The following EPB41 variants were observed in gnomAD, a reference collection of about 807,000 sequenced individuals.
The protein encoded by EPB41 is protein 4.1.
EPB41 carries 65 observed loss-of-function variants against 108.0 expected under a neutral mutation model. The observed-to-expected ratio is 0.60, with a 90% CI of 0.49 to 0.74. The LOEUF (loss-of-function observed/expected upper bound fraction) is 0.74. Ranked by LOEUF, EPB41 falls within the 30% of genes least tolerant of loss-of-function variation. EPB41 has a pLI of 0.00. For missense variants in EPB41, 875 were observed against 1,037.0 expected, an observed-to-expected ratio of 0.84 and a Z score of 2.15; for synonymous variants, 336 against 358.9, an observed-to-expected ratio of 0.94 and a Z score of 0.72.
At chr1:28,973,886 C>A (rs970648524) in intron 1 of EPB41, among the ~76,000 whole-genome samples, 3 of 152,176 alleles carry the variant, frequency 2.0e-5, no homozygotes, top group African/African-American at 7.2e-5. Context: ...TAATTATTAG[C>A]AATTTCTTCC....
chr1:29,030,559 A>G, intron 8 of EPB41, 72 bp downstream of exon 8: 1 of 1,115,908 alleles, frequency 9.0e-7, no homozygotes, highest in South Asian at 1.2e-5. Context: ...TTATGTATGT[A>G]TCACATCTGT....
intron 11 of EPB41, 108 bp from the exon 12 acceptor site, chr1:29,052,996 C>CT (rs1229193412): frequency 2.1e-5 from 25 of 1,211,918 alleles, no homozygotes; most frequent in Non-Finnish European, 2.4e-5. Context: ...ACTACACACT[C>CT]TAACATTCGT....
chr1:29,041,566 G>T (rs192157669), intron 11 of EPB41: 2 of 152,010 alleles, frequency 1.3e-5, no homozygotes, highest in African/African-American at 4.8e-5. Flanking sequence ...TGTTACCAGT[G>T]TACAAGCCTA....
At chr1:28,908,781 G>C (rs2092035201) in intron 1 of EPB41, among the ~76,000 whole-genome samples, 1 of 151,856 alleles carries the variant, frequency 6.6e-6, no homozygotes, top group African/African-American at 2.4e-5. Flanking sequence ...ATGTCCAATA[G>C]TAGGATTAAC....
intron 1 of EPB41, among the ~76,000 whole-genome samples, chr1:28,919,436 A>C (rs2092913732): frequency 1.3e-5 from 2 of 151,738 alleles, no homozygotes; most frequent in East Asian, 3.9e-4. Flanking sequence ...CTCTCCTTCC[A>C]GTCAAATTGC....
At chr1:28,966,449 A>G (rs899796815) in intron 1 of EPB41, among the ~76,000 whole-genome samples, 3 of 152,136 alleles carry the variant, frequency 2.0e-5, no homozygotes, top group Non-Finnish European at 2.9e-5. Context: ...TTTTGGTGCA[A>G]CATTCTGGGC....
At chr1:29,055,757 G>A (rs1368770285) in intron 12 of EPB41, among the ~76,000 whole-genome samples, 1 of 150,412 alleles carries the variant, frequency 6.6e-6, no homozygotes, top group South Asian at 2.1e-4. Flanking sequence ...GCAAAACCCC[G>A]TCTTTACTAA....
At chr1:28,996,512 T>G (rs779722125) in intron 3 of EPB41, among the ~76,000 whole-genome samples, 1 of 152,188 alleles carries the variant, frequency 6.6e-6, no homozygotes, top group African/African-American at 2.4e-5. Context: ...GACAGTTGAT[T>G]CAGTAATTTA....
intron 1 of EPB41, among the ~76,000 whole-genome samples, chr1:28,943,651 G>GAA (rs55671605): frequency 7.0e-6 from 1 of 143,866 alleles, no homozygotes; most frequent in Admixed American, 6.9e-5. Flanking sequence ...TCCGTTTCAG[G>GAA]AAAAAAAAAA....
At chr1:29,099,866 G>T (rs1004334068) in intron 17 of EPB41, among the ~76,000 whole-genome samples, 1 of 152,178 alleles carries the variant, frequency 6.6e-6, no homozygotes, top group African/African-American at 2.4e-5. Flanking sequence ...GGAGAAACAG[G>T]CAATAAAGCA....
chr1:28,915,950 C>T (rs1473986296), intron 1 of EPB41, among the ~76,000 whole-genome samples: 1 of 151,984 alleles, frequency 6.6e-6, no homozygotes, highest in Non-Finnish European at 1.5e-5. Context: ...GGTTTGATCC[C>T]TTTAATCAAA....
At chr1:29,084,123 G>T (rs1657841437) in intron 16 of EPB41, among the ~76,000 whole-genome samples, 1 of 152,208 alleles carries the variant, frequency 6.6e-6, no homozygotes, top group Admixed American at 6.5e-5. Flanking sequence ...CAAAGCAAGG[G>T]TAATGTGCTC....
intron 14 of EPB41, 39 bp from the exon 15 acceptor site, chr1:29,060,383 T>G (rs1399982326): frequency 6.3e-7 from 1 of 1,597,802 alleles, no homozygotes; most frequent in East Asian, 2.2e-5. Context: ...CATTTTAATT[T>G]TTTATGCTTT....
intron 11 of EPB41, among the ~76,000 whole-genome samples, chr1:29,043,177 G>C (rs945951944): frequency 6.6e-6 from 1 of 152,174 alleles, no homozygotes; most frequent in African/African-American, 2.4e-5. Context: ...AAATAAAACA[G>C]GATGAGGGAT....
intron 1 of EPB41, among the ~76,000 whole-genome samples, chr1:28,897,608 GGGAGGGGAGAGGAGGGGAGA>G (rs1266878550): frequency 4.4e-4 from 8 of 18,198 alleles, no homozygotes; most frequent in Non-Finnish European, 4.6e-4. Flanking sequence ...GGAAGGGGAG[GGGAGGGGAGAGGAGGGGAGA>G]GGAGGGGAGA....
In EPB41 at chr1:29,053,157, A is replaced by G; in HGVS notation, c.1690A>G (p.Ile564Val). Residue 564 changes from isoleucine to valine, a missense_variant, in exon 12 of 21, where the codon ATT becomes GTT. By Grantham distance (29) the Ile-to-Val change is conservative. Coordinates refer to ENST00000343067, the MANE Select transcript of EPB41 (RefSeq NM_001376013.1). ...RSPRPTSAPA[I>V]TQGQVAEGGV... is the part of the protein sequence containing the mutation. Reference sequence around the variant, plus strand: ...TCCTCGGCCCACTTCTGCACCTGCCATTACTCAGGGTCAGGTTGCAGAAGG... The same window carrying G: ...TCCTCGGCCCACTTCTGCACCTGCCGTTACTCAGGGTCAGGTTGCAGAAGG... 2 of 1,614,218 alleles carry G rather than the reference A, an allele frequency of 1.2e-6. No individual in the cohort carries two copies. Among genetic ancestry groups the G allele is most frequent in the Non-Finnish European group, 1.7e-6 (2 of 1,180,052 alleles).
chr1:29,017,850 G>T (rs915829516), intron 6 of EPB41, among the ~76,000 whole-genome samples: 3 of 152,106 alleles, frequency 2.0e-5, no homozygotes, highest in African/African-American at 7.2e-5. Context: ...GTGTGTGTGT[G>T]AAGATTAGGT....
At chr1:29,081,933 T>C (rs1245250693) in intron 16 of EPB41, among the ~76,000 whole-genome samples, 1 of 152,162 alleles carries the variant, frequency 6.6e-6, no homozygotes, top group Non-Finnish European at 1.5e-5. Flanking sequence ...AACTTTGTAG[T>C]ATTTCTCCAA....
intron 5 of EPB41, among the ~76,000 whole-genome samples, chr1:29,013,054 T>C (rs887112713): frequency 6.6e-6 from 1 of 152,174 alleles, no homozygotes; most frequent in Non-Finnish European, 1.5e-5. Context: ...TAGTAGATTA[T>C]CTTCCTGGGT....
Sources: gnomAD v4.1 joint callset for allele counts (sites outside exome capture counted in the v4.1 genomes callset) on GRCh38, gnomAD v4.1.1 for gene constraint, MANE v1.5 for transcripts, NCBI Gene and HGNC (gene_info 2026-07-23, HGNC 2026-07-21) for gene names.